Variants in COX7B2 observed in about 807,000 individuals in gnomAD.
COX7B2 encodes the protein cytochrome c oxidase subunit 7B2.
For missense variants in COX7B2, 109 were observed against 95.9 expected (o/e 1.14, Z -0.57); for synonymous variants, 37 against 32.1 (o/e 1.15, Z -0.51).
At chr4:46,752,683 G>C (rs569569178) in intron 2 of COX7B2, among the ~76,000 whole-genome samples, 2 of 152,062 alleles carry the variant, frequency 1.3e-5, no homozygotes, top group Non-Finnish European at 2.9e-5. Flanking sequence ...TAATCATGTG[G>C]TTTTTGTCGT....
chr4:46,801,565 G>A (rs1718658941), intron 2 of COX7B2, among the ~76,000 whole-genome samples: 1 of 152,140 alleles, frequency 6.6e-6, no homozygotes, highest in African/African-American at 2.4e-5. Flanking sequence ...GGACCTACTT[G>A]AAGGGAGAGA....
chr4:46,816,437 G>A (rs538789432), intron 2 of COX7B2, among the ~76,000 whole-genome samples: 39 of 152,006 alleles, frequency 2.6e-4, no homozygotes, highest in South Asian at 8.3e-4. Context: ...CTGAACTGAA[G>A]TTCTTCTTTA....
intron 2 of COX7B2, among the ~76,000 whole-genome samples, chr4:46,771,607 C>T (rs1323379234): frequency 1.3e-5 from 2 of 151,814 alleles, no homozygotes; most frequent in Non-Finnish European, 2.9e-5. Context: ...ATCTGAAAAT[C>T]TGAAACTCAA....
chr4:46,835,076 G>A lies in COX7B2; in HGVS notation c.-50+9884C>T, dbSNP rs115714278. On this transcript the variant is annotated intron_variant, in intron 2 of 2. Coordinates refer to ENST00000355591, the MANE Select transcript of COX7B2 (RefSeq NM_130902.3). ...TAAAAGTTAAGACCTTTTTTCCCTA[G>A]TAGTTTGATAAAGACTCAAAAACCT... Among the ~76,000 whole-genome samples, 677 of 152,044 alleles carry A rather than the reference G, an allele frequency of 4.5e-3. 6 individuals are homozygous for A. The highest frequency in any genetic ancestry group is 0.016 in the African/African-American group (656 of 41,488).
At chr4:46,819,761 T>G (rs1714145796) in intron 2 of COX7B2, among the ~76,000 whole-genome samples, 1 of 152,166 alleles carries the variant, frequency 6.6e-6, no homozygotes, top group Non-Finnish European at 1.5e-5. Flanking sequence ...TATATTAGGG[T>G]GCTCAACAAT....
chr4:46,840,642 T>C (rs533766522), intron 2 of COX7B2, among the ~76,000 whole-genome samples: 3 of 152,052 alleles, frequency 2.0e-5, no homozygotes. Flanking sequence ...ACAACGTCTT[T>C]ATATTTTTCA....
chr4:46,838,823 G>A (rs371513027), intron 2 of COX7B2, among the ~76,000 whole-genome samples: 60 of 151,854 alleles, frequency 4.0e-4, no homozygotes, highest in African/African-American at 1.3e-3. Context: ...TGATAATTCC[G>A]AATGGCATTT....
intron 1 of COX7B2, among the ~76,000 whole-genome samples, chr4:46,850,432 A>G (rs1334453519): frequency 6.6e-6 from 1 of 152,040 alleles, no homozygotes; most frequent in Middle Eastern, 3.2e-3. Flanking sequence ...GAGCGGGAAA[A>G]GCAGACTGCT....
chr4:46,863,990 G>T (rs1032624808), intron 1 of COX7B2, among the ~76,000 whole-genome samples: 1 of 152,152 alleles, frequency 6.6e-6, no homozygotes, highest in African/African-American at 2.4e-5. Flanking sequence ...GGAAACAGGG[G>T]CCGGACATGC....
chr4:46,857,080 T>C (rs1717049523), intron 1 of COX7B2, among the ~76,000 whole-genome samples: 1 of 152,150 alleles, frequency 6.6e-6, no homozygotes, highest in South Asian at 2.1e-4. Flanking sequence ...CTGTATTACA[T>C]AGTGAAGAAA....
intron 2 of COX7B2, among the ~76,000 whole-genome samples, chr4:46,736,783 C>T (rs1560341397): frequency 6.6e-6 from 1 of 151,994 alleles, no homozygotes; most frequent in African/African-American, 2.4e-5. Context: ...TTTTGTGGCT[C>T]GAGAGTGCAT....
chr4:46,881,323 G>A (rs1232607209), intron 1 of COX7B2, among the ~76,000 whole-genome samples: 1 of 152,178 alleles, frequency 6.6e-6, no homozygotes, highest in East Asian at 1.9e-4. Flanking sequence ...AGCAAAGGCA[G>A]GAAGACTCAA....
chr4:46,831,431 CG>C lies in COX7B2; in HGVS notation c.-50+13528del, dbSNP rs1715090611. ...TCGACCACCCAGGGGCTGAGGAGTG[CG>C]GGCGCATGGCACGGGACTGGCAGGC... On this transcript the variant is annotated intron_variant, in intron 2 of 2. Transcript: ENST00000355591. 3.9e-5 allele frequency among the ~76,000 whole-genome samples: 6 copies of C among 152,280 alleles called. No homozygotes were observed. The South Asian group carries it at 1.2e-3, about 32-fold the overall frequency.
intron 1 of COX7B2, among the ~76,000 whole-genome samples, chr4:46,866,157 C>T (rs1717650280): frequency 6.6e-6 from 1 of 152,214 alleles, no homozygotes. Flanking sequence ...GTACATGATG[C>T]CATGTCCAAG....
chr4:46,808,764 A>T (rs946711307), intron 2 of COX7B2, among the ~76,000 whole-genome samples: 2 of 151,898 alleles, frequency 1.3e-5, no homozygotes, highest in Non-Finnish European at 3.0e-5. Context: ...GGAGTACACC[A>T]GTGCTTTTTC....
At chr4:46,778,483 T>C (rs1560374733) in intron 2 of COX7B2, among the ~76,000 whole-genome samples, 1 of 152,134 alleles carries the variant, frequency 6.6e-6, no homozygotes, top group African/African-American at 2.4e-5. Context: ...TTATTTTTTA[T>C]GACCAGTCAA....
intron 2 of COX7B2, among the ~76,000 whole-genome samples, chr4:46,770,502 A>G (rs901581625): frequency 1.3e-5 from 2 of 152,182 alleles, no homozygotes; most frequent in Non-Finnish European, 1.5e-5. Flanking sequence ...TAAAATTCAT[A>G]TGGAACCATA....
chr4:46,892,305 C>T (rs888903597), intron 1 of COX7B2, among the ~76,000 whole-genome samples: 1 of 152,152 alleles, frequency 6.6e-6, no homozygotes, highest in African/African-American at 2.4e-5. Context: ...GGAGTAAGTA[C>T]ATCAGACATG....
intron 2 of COX7B2, among the ~76,000 whole-genome samples, chr4:46,830,515 T>C (rs1295390773): frequency 2.6e-5 from 4 of 152,140 alleles, no homozygotes; most frequent in East Asian, 1.9e-4. Context: ...TGTTCATTAA[T>C]AGAAGGAAAA....
Sources: gnomAD v4.1 joint callset for allele counts (sites outside exome capture counted in the v4.1 genomes callset) on GRCh38, gnomAD v4.1.1 for gene constraint, MANE v1.5 for transcripts, NCBI Gene and HGNC (gene_info 2026-07-23, HGNC 2026-07-21) for gene names.